The following IQUB variants were observed in gnomAD, a reference collection of about 807,000 sequenced individuals.
IQUB encodes the protein IQ motif and ubiquitin domain containing.
In IQUB, 86 loss-of-function variants were observed where a neutral mutation model predicts 86.4. The ratio of observed to expected loss-of-function variants is 1.00; its 90% CI spans 0.84 to 1.19. The LOEUF (loss-of-function observed/expected upper bound fraction) is 1.19, where lower values mean the gene tolerates loss of function less well. Ranked by LOEUF, IQUB falls within the 50% of genes most tolerant of loss-of-function variation. The probability of loss-of-function intolerance (pLI) is 0.00; values close to 1 mark genes in which losing one functional copy is unlikely to be tolerated. For missense variants in IQUB, 946 were observed against 916.9 expected (o/e 1.03, Z -0.41); for synonymous variants, 289 against 304.5 (o/e 0.95, Z 0.53).
At chr7:123,507,215 C>T (rs1224882373) in intron 3 of IQUB, among the ~76,000 whole-genome samples, 1 of 152,216 alleles carries the variant, frequency 6.6e-6, no homozygotes, top group Non-Finnish European at 1.5e-5. Context: ...AAAAGCCACA[C>T]ACATTTAGTA....
In IQUB at chr7:123,479,846, G is replaced by A. The variant is rs781410280; in HGVS notation, c.1359C>T (p.Tyr453=). 23 of 1,612,848 alleles carry A rather than the reference G, an allele frequency of 1.4e-5. No individual in the cohort carries two copies. Among genetic ancestry groups the A allele is most frequent in the Non-Finnish European group, 2.0e-5 (23 of 1,179,376 alleles). The part of the protein sequence containing the change: ...QIIASIGRHR[Y]IAYMANQEAA... ...CTTCCTGATTTGCCATATAAGCAAT[G>A]TATCTATGTCTCCCAATGGAAGCAA... is the stretch of plus-strand genomic sequence containing the variant. The change falls in exon 8 of 13, where the codon TAC becomes TAT. Residue 453 remains tyrosine, a synonymous_variant. Transcript: ENST00000324698.
At chr7:123,490,573 C>A (rs1463321343) in intron 7 of IQUB, among the ~76,000 whole-genome samples, 3 of 152,160 alleles carry the variant, frequency 2.0e-5, no homozygotes, top group Non-Finnish European at 1.5e-5. Context: ...TCACTACACC[C>A]AACCATAATA....
At position 123,462,830 on chromosome 7, in the gene IQUB, C is replaced by A. The variant is rs977030905; in HGVS notation, c.1759-1225G>T. The A allele has an allele frequency of 3.7e-5, 17 of 455,142 alleles. No homozygotes were observed. The Admixed American group carries it at 4.0e-4, about 11-fold the overall frequency. 28.2% of individuals were successfully genotyped at this position (455,142 alleles called of 1,614,324 possible). A position where few individuals can be genotyped will look rare whatever the true frequency, so the allele number is the denominator to read the frequency against. ...ATGCCATGGAAAGATATTCTCCACCCATCTGAAATTGTGCAAGAAAAAAAT... is the reference window on the plus strand; with the variant it reads ...ATGCCATGGAAAGATATTCTCCACCAATCTGAAATTGTGCAAGAAAAAAAT... On this transcript the variant is annotated intron_variant, in intron 10 of 12. Coordinates refer to ENST00000324698, the MANE Select transcript of IQUB (RefSeq NM_178827.5).
intron 8 of IQUB, among the ~76,000 whole-genome samples, chr7:123,478,352 T>G (rs943653370): frequency 6.6e-6 from 1 of 151,908 alleles, no homozygotes; most frequent in Non-Finnish European, 1.5e-5. Context: ...TGTTCTCACT[T>G]ATAGGTGGGA....
chr7:123,491,294 C>T (rs1795449181), intron 7 of IQUB, among the ~76,000 whole-genome samples: 1 of 152,114 alleles, frequency 6.6e-6, no homozygotes. Flanking sequence ...ATGACCTCAG[C>T]TTCCACCACA....
chr7:123,488,150 G>A (rs1445001165), intron 7 of IQUB, among the ~76,000 whole-genome samples: 1 of 151,700 alleles, frequency 6.6e-6, no homozygotes, highest in Non-Finnish European at 1.5e-5. Context: ...TCGAGACCAC[G>A]GTGAAACCCC....
chr7:123,454,753 T>C (rs1406965720), intron 12 of IQUB, among the ~76,000 whole-genome samples: 1 of 152,150 alleles, frequency 6.6e-6, no homozygotes, highest in Non-Finnish European at 1.5e-5. Flanking sequence ...TCCTGTGTTT[T>C]CTTCATTATT....
intron 10 of IQUB, chr7:123,462,694 A>C: frequency 3.2e-6 from 1 of 315,972 alleles, no homozygotes; most frequent in South Asian, 2.6e-5. Context: ...GTTTATCTTG[A>C]ATGATTATTT....
At chr7:123,523,253 T>C (rs1009682664) in intron 1 of IQUB, among the ~76,000 whole-genome samples, 1 of 144,492 alleles carries the variant, frequency 6.9e-6, no homozygotes, top group African/African-American at 2.5e-5. Context: ...GTATTTCTAG[T>C]TCTAGATCCC....
At chr7:123,490,085 A>G (rs1226426637) in intron 7 of IQUB, among the ~76,000 whole-genome samples, 1 of 151,974 alleles carries the variant, frequency 6.6e-6, no homozygotes, top group Non-Finnish European at 1.5e-5. Flanking sequence ...TAAACATCCA[A>G]ATTAAAAGGA....
At chr7:123,483,360 C>G (rs928134297) in intron 7 of IQUB, among the ~76,000 whole-genome samples, 1 of 152,082 alleles carries the variant, frequency 6.6e-6, no homozygotes, top group African/African-American at 2.4e-5. Context: ...CTAAATCTTT[C>G]AGATGGAGAT....
At chr7:123,500,634 G>T (rs1050164141) in intron 6 of IQUB, among the ~76,000 whole-genome samples, 1 of 151,928 alleles carries the variant, frequency 6.6e-6, no homozygotes, top group Admixed American at 6.6e-5. Flanking sequence ...TCCCTATACC[G>T]GCTTTTAACA....
chr7:123,493,601 T>C (rs920134491), intron 7 of IQUB, among the ~76,000 whole-genome samples: 3 of 152,072 alleles, frequency 2.0e-5, no homozygotes, highest in Non-Finnish European at 4.4e-5. Context: ...TCTGATACTC[T>C]TTCATAGGAG....
At chr7:123,483,802 T>C (rs1281151604) in intron 7 of IQUB, among the ~76,000 whole-genome samples, 5 of 152,212 alleles carry the variant, frequency 3.3e-5, no homozygotes, top group East Asian at 3.9e-4. Context: ...GGTCTTCCAT[T>C]ATATACAATT....
rs185990458 is a variant in IQUB, at chr7:123,476,986, C to G, written c.1410+2809G>C. On this transcript the variant is annotated intron_variant, in intron 8 of 12. Transcript: ENST00000324698. ...TGCCATGCTCATGGATAGGAAGAAT[C>G]AATATCATGAAAATGGCCATACTAC... is the stretch of plus-strand genomic sequence containing the variant. 5.4e-3 allele frequency among the ~76,000 whole-genome samples: 820 copies of G among 152,130 alleles called. 9 individuals carry two copies. Among genetic ancestry groups the G allele is most frequent in the African/African-American group, 0.019 (788 of 41,500 alleles).
At chr7:123,456,539 C>A (rs986175674) in intron 12 of IQUB, 1 of 151,800 alleles carries the variant, frequency 6.6e-6, no homozygotes, top group African/African-American at 2.4e-5. Flanking sequence ...TATTCATCAC[C>A]CCTTGTTCCA....
chr7:123,453,417 T>C (rs970449108), intron 12 of IQUB, among the ~76,000 whole-genome samples: 1 of 148,828 alleles, frequency 6.7e-6, no homozygotes, highest in African/African-American at 2.4e-5. Context: ...ATTATTTAAT[T>C]ATACACAATA....
intron 8 of IQUB, among the ~76,000 whole-genome samples, chr7:123,473,354 T>C (rs1794614965): frequency 6.6e-6 from 1 of 152,328 alleles, no homozygotes; most frequent in Admixed American, 6.5e-5. Flanking sequence ...TGCAGTTCTT[T>C]AAGCCTGCAA....
At chr7:123,490,367 T>C (rs1795403797) in intron 7 of IQUB, among the ~76,000 whole-genome samples, 1 of 152,110 alleles carries the variant, frequency 6.6e-6, no homozygotes, top group Non-Finnish European at 1.5e-5. Context: ...TGTTTTTACA[T>C]CTAATAAGAA....
Sources: gnomAD v4.1 joint callset for allele counts (sites outside exome capture counted in the v4.1 genomes callset) on GRCh38, gnomAD v4.1.1 for gene constraint, MANE v1.5 for transcripts, NCBI Gene and HGNC (gene_info 2026-07-23, HGNC 2026-07-21) for gene names.